FRMD4B: variants seen among roughly 807,000 people sequenced by gnomAD.
FRMD4B encodes the protein FERM domain-containing protein 4B.
Under a neutral mutation model 141.5 loss-of-function variants are expected in FRMD4B, and 74 were observed. The ratio of observed to expected loss-of-function variants is 0.52; its 90% CI spans 0.43 to 0.63. The LOEUF (loss-of-function observed/expected upper bound fraction) is 0.63, where lower values mean the gene tolerates loss of function less well. Ranked by LOEUF, FRMD4B falls within the 30% of genes least tolerant of loss-of-function variation. The pLI, the probability that FRMD4B is intolerant of heterozygous loss-of-function variation, is 0.00. For missense variants in FRMD4B, 1,366 were observed against 1,253.4 expected, an observed-to-expected ratio of 1.09 and a Z score of -1.36; for synonymous variants, 506 against 467.9, an observed-to-expected ratio of 1.08 and a Z score of -1.05.
chr3:69,203,341 A>AGAAAGAAAG (rs1553700367), intron 11 of FRMD4B, among the ~76,000 whole-genome samples: 1 of 76,978 alleles, frequency 1.3e-5, no homozygotes, highest in Non-Finnish European at 2.6e-5. Flanking sequence ...AAAAAAAAAA[A>AGAAAGAAAG]AAAGAAAGAA....
At chr3:69,231,687 A>T (rs973980975) in intron 7 of FRMD4B, among the ~76,000 whole-genome samples, 2 of 152,234 alleles carry the variant, frequency 1.3e-5, no homozygotes, top group African/African-American at 4.8e-5. Context: ...AAGTATGGCC[A>T]GTTGAGTGGA....
At chr3:69,349,276 A>G (rs1241147672) in intron 1 of FRMD4B, among the ~76,000 whole-genome samples, 4 of 152,142 alleles carry the variant, frequency 2.6e-5, no homozygotes, top group Non-Finnish European at 5.9e-5. Context: ...GGGATGTGAA[A>G]GACCTCTTCA....
At chr3:69,353,661 G>T in intron 1 of FRMD4B, 2 of 984,764 alleles carry the variant, frequency 2.0e-6, no homozygotes, top group Non-Finnish European at 2.4e-6. Context: ...GTGTGTGTGC[G>T]CGCATGTGCT....
chr3:69,485,297 G>A (rs1471750243), intron 1 of FRMD4B, among the ~76,000 whole-genome samples: 1 of 152,236 alleles, frequency 6.6e-6, no homozygotes, highest in Non-Finnish European at 1.5e-5. Flanking sequence ...GCACCGCAGA[G>A]CCTGCAAGGG....
At chr3:69,428,032 C>A (rs549581420) in intron 2 of FRMD4B, among the ~76,000 whole-genome samples, 79 of 152,192 alleles carry the variant, frequency 5.2e-4, no homozygotes, top group Non-Finnish European at 9.6e-4. Flanking sequence ...AGTTAACAAG[C>A]ATCTACTGAA....
At chr3:69,203,614 G>A (rs2092994401) in intron 11 of FRMD4B, among the ~76,000 whole-genome samples, 3 of 152,168 alleles carry the variant, frequency 2.0e-5, no homozygotes, top group African/African-American at 7.2e-5. Context: ...ACTTCTAGCT[G>A]TGTTGTATTT....
At chr3:69,295,553 A>C (rs964695353) in intron 4 of FRMD4B, among the ~76,000 whole-genome samples, 1 of 152,090 alleles carries the variant, frequency 6.6e-6, no homozygotes, top group African/African-American at 2.4e-5. Context: ...AACTGGACTC[A>C]AGTGCTCCAC....
At chr3:69,291,405 AAAAG>A (rs1295142579) in intron 4 of FRMD4B, among the ~76,000 whole-genome samples, 2 of 152,230 alleles carry the variant, frequency 1.3e-5, no homozygotes, top group Non-Finnish European at 2.9e-5. Flanking sequence ...ACTTATAAAA[AAAAG>A]AGTTCTGTGA....
intron 3 of FRMD4B, 43 bp downstream of exon 3, chr3:69,311,220 C>A (rs370876832): frequency 1.7e-5 from 15 of 901,556 alleles, no homozygotes; most frequent in African/African-American, 9.8e-5. Flanking sequence ...AAGTAGGTAG[C>A]CCAGGCAAAA....
At chr3:69,442,315 C>A (rs555622282) in intron 1 of FRMD4B, among the ~76,000 whole-genome samples, 1 of 152,256 alleles carries the variant, frequency 6.6e-6, no homozygotes, top group East Asian at 1.9e-4. Flanking sequence ...CTCCTGGCCT[C>A]AAGTGAACCT....
chr3:69,440,799 G>C (rs1309891666), intron 1 of FRMD4B, among the ~76,000 whole-genome samples: 2 of 151,890 alleles, frequency 1.3e-5, no homozygotes, highest in Non-Finnish European at 2.9e-5. Context: ...CAGAGCAAGA[G>C]ACTCTGTCAA....
intron 4 of FRMD4B, among the ~76,000 whole-genome samples, chr3:69,289,357 TA>T (rs1443103210): frequency 1.3e-5 from 2 of 152,146 alleles, no homozygotes; most frequent in African/African-American, 4.8e-5. Context: ...AGAGAGGCAT[TA>T]AAATAGACAA....
intron 1 of FRMD4B, among the ~76,000 whole-genome samples, chr3:69,524,897 G>A (rs1164968197): frequency 2.6e-5 from 4 of 152,194 alleles, no homozygotes; most frequent in African/African-American, 9.7e-5. Flanking sequence ...AAGTGGGAGA[G>A]GAAATGGATT....
intron 2 of FRMD4B, among the ~76,000 whole-genome samples, chr3:69,412,563 T>C (rs1442955119): frequency 6.6e-6 from 1 of 152,224 alleles, no homozygotes; most frequent in Non-Finnish European, 1.5e-5. Context: ...TTCTTCCCTG[T>C]AGAGGCCAAA....
rs533931006 is a variant in FRMD4B, at chr3:69,227,158, A to C, written c.582-2468T>G. The stretch of plus-strand genomic sequence containing the variant: ...ACTATACACAATCAGAATCTACTCC[A>C]GTTATAAGATGTTATTTGTTTAGAA... On this transcript the variant is annotated intron_variant, in intron 7 of 22. Transcript: ENST00000398540. Among the ~76,000 whole-genome samples the C allele has an allele frequency of 3.3e-5, 5 of 152,310 alleles. No homozygotes were observed. The East Asian group carries it at 9.6e-4, about 29-fold the overall frequency.
At chr3:69,413,223 A>G (rs1704790789) in intron 2 of FRMD4B, among the ~76,000 whole-genome samples, 2 of 152,180 alleles carry the variant, frequency 1.3e-5, no homozygotes, top group African/African-American at 4.8e-5. Context: ...GTATTTATTG[A>G]GCATGAATGA....
intron 1 of FRMD4B, among the ~76,000 whole-genome samples, chr3:69,512,075 G>C (rs1017500315): frequency 2.8e-4 from 43 of 152,194 alleles, no homozygotes; most frequent in Middle Eastern, 3.2e-3. Context: ...ATAAAGAAGA[G>C]AGATTTATGT....
At chr3:69,323,609 T>TATAC (rs1702086814) in intron 1 of FRMD4B, among the ~76,000 whole-genome samples, 1 of 3,472 alleles carries the variant, frequency 2.9e-4, no homozygotes, top group Non-Finnish European at 5.5e-4. Flanking sequence ...TCTCTCTGTG[T>TATAC]ATATATATAT....
chr3:69,409,346 T>G (rs1214504164), intron 2 of FRMD4B, among the ~76,000 whole-genome samples: 1 of 152,164 alleles, frequency 6.6e-6, no homozygotes, highest in Non-Finnish European at 1.5e-5. Flanking sequence ...TGGAAACTCA[T>G]ACAACCAGGA....
Sources: gnomAD v4.1 joint callset for allele counts (sites outside exome capture counted in the v4.1 genomes callset) on GRCh38, gnomAD v4.1.1 for gene constraint, MANE v1.5 for transcripts, NCBI Gene and HGNC (gene_info 2026-07-23, HGNC 2026-07-21) for gene names.